The following ATF7IP2 variants were observed in gnomAD, a reference collection of about 807,000 sequenced individuals.
ATF7IP2 encodes activating transcription factor 7 interacting protein 2, also known as activating transcription factor 7-interacting protein 2.
Under a neutral mutation model 64.2 loss-of-function variants are expected in ATF7IP2, and 42 were observed. That is an observed-to-expected ratio of 0.65 (90% CI 0.51 to 0.85). ATF7IP2 has a LOEUF of 0.85. Ranked by LOEUF, ATF7IP2 falls within the 40% of genes least tolerant of loss-of-function variation. ATF7IP2 has a pLI of 0.00. For synonymous variants in ATF7IP2, 308 were observed against 272.8 expected (o/e 1.13, Z -1.27); for missense variants, 933 against 784.2 (o/e 1.19, Z -2.27).
chr16:10,473,494 C>T lies in ATF7IP2; in HGVS notation c.1442C>T (p.Thr481Ile), dbSNP rs767872634. 5.7e-6 allele frequency: 9 copies of T among 1,566,182 alleles called. No individual in the cohort carries two copies. Among genetic ancestry groups the T allele is most frequent in the South Asian group, 4.5e-5 (4 of 88,296 alleles). The change falls in exon 11 of 14, where the codon ACA (threonine) becomes ATA (isoleucine). Residue 481 changes from threonine to isoleucine, a missense_variant. By Grantham distance (89) the Thr-to-Ile change is moderately conservative. Transcript: ENST00000562102. ...TTTCTTTCAGATACCAGAAAAATTA[C>T]ATCAGGAAATTCTAGCAATTCTCCC... Reference protein sequence around the residue: ...TSNPTDTRKITSGNSSNSPNA... With the variant: ...TSNPTDTRKIISGNSSNSPNA...
intron 12 of ATF7IP2, among the ~76,000 whole-genome samples, chr16:10,475,769 T>C (rs9928105): frequency 0.12 from 10,467 of 86,688 alleles, 781 homozygotes; most frequent in African/African-American, 0.28. Flanking sequence ...ACAAGACTAA[T>C]AGAGAACAAA....
intron 1 of ATF7IP2, among the ~76,000 whole-genome samples, chr16:10,394,178 G>C (rs950190189): frequency 2.6e-5 from 4 of 152,136 alleles, no homozygotes; most frequent in African/African-American, 4.8e-5. Context: ...ATGCAAATAG[G>C]CTGAAAGTAA....
intron 3 of ATF7IP2, among the ~76,000 whole-genome samples, chr16:10,422,227 C>T (rs1330605247): frequency 3.3e-5 from 5 of 152,170 alleles, no homozygotes; most frequent in African/African-American, 7.2e-5. Flanking sequence ...ATCTGTTAAC[C>T]ATTTTAAAGG....
At chr16:10,460,906 A>T (rs1454503415) in intron 9 of ATF7IP2, among the ~76,000 whole-genome samples, 1 of 152,190 alleles carries the variant, frequency 6.6e-6, no homozygotes, top group Non-Finnish European at 1.5e-5. Context: ...AAGACAGGCC[A>T]TCCGAGTTGG....
chr16:10,460,452 A>C (rs1304791085), intron 9 of ATF7IP2, among the ~76,000 whole-genome samples: 1 of 152,178 alleles, frequency 6.6e-6, no homozygotes, highest in Non-Finnish European at 1.5e-5. Context: ...ATTTGCCATC[A>C]GACGTTAGGA....
intron 4 of ATF7IP2, among the ~76,000 whole-genome samples, chr16:10,429,730 A>AT (rs1555507615): frequency 0.015 from 1,287 of 87,208 alleles, 28 homozygotes; most frequent in African/African-American, 0.039. Flanking sequence ...ATTTTATTTT[A>AT]TTTATTTTAT....
At chr16:10,480,363 C>T (rs2050178321) in intron 12 of ATF7IP2, among the ~76,000 whole-genome samples, 1 of 151,832 alleles carries the variant, frequency 6.6e-6, no homozygotes, top group Non-Finnish European at 1.5e-5. Flanking sequence ...CCCTTCCTTT[C>T]TTCTTCTCAC....
At chr16:10,388,942 G>T (rs541462967) in intron 1 of ATF7IP2, among the ~76,000 whole-genome samples, 11 of 152,152 alleles carry the variant, frequency 7.2e-5, no homozygotes, top group African/African-American at 2.7e-4. Context: ...AAGCCGGGAG[G>T]CGGAGCTTGC....
Position 10,423,894 on chromosome 16 carries a change from A to C in ATF7IP2, c.-160+4271A>C, listed in dbSNP as rs117680234. ...AGAGTACTCGGGTGTCCTCCAGCGT[A>C]GTTCCATGTTCTCCAGTCATTGTTC... On this transcript the variant is annotated intron_variant, in intron 3 of 13. Transcript: ENST00000562102. Among the ~76,000 whole-genome samples the C allele has an allele frequency of 1.5e-3, 234 of 152,292 alleles. 9 individuals are homozygous for C. In the East Asian group the frequency reaches 0.044, roughly 29 times the overall value.
intron 1 of ATF7IP2, among the ~76,000 whole-genome samples, chr16:10,406,574 A>G (rs1253770397): frequency 6.6e-6 from 1 of 152,228 alleles, no homozygotes; most frequent in East Asian, 1.9e-4. Flanking sequence ...ACATTTATGC[A>G]GACTATGAAA....
In ATF7IP2 at chr16:10,412,015, T is replaced by G. The variant is rs1198073266; in HGVS notation, c.-241-2559T>G. On this transcript the variant is annotated intron_variant, in intron 1 of 13. Coordinates refer to ENST00000562102, the MANE Select transcript of ATF7IP2 (RefSeq NM_001393719.1). The stretch of plus-strand genomic sequence containing the variant: ...TGTTTCATTTATCTTTTTTTGTTTT[T>G]TTTTTTTTTTTTTTTTTTTTTTTTA... Among the ~76,000 whole-genome samples, 15 of 143,114 alleles carry G rather than the reference T, an allele frequency of 1.0e-4. 1 individual carries two copies. The highest frequency in any genetic ancestry group is 1.7e-4 in the Non-Finnish European group (11 of 65,240). The allele number at this position is 143,114 out of a possible 152,430, so 93.9% of individuals were successfully genotyped here. A position where few individuals can be genotyped will look rare whatever the true frequency, so the allele number is the denominator to read the frequency against.
chr16:10,399,571 TTTTGATTACCATCAGC>T lies in ATF7IP2; in HGVS notation c.-242+13454_-242+13469del, dbSNP rs1251920816. Among the ~76,000 whole-genome samples the T allele has an allele frequency of 6.6e-5, 10 of 152,344 alleles. No individual in the cohort carries two copies. The East Asian group carries it at 1.9e-3, about 29-fold the overall frequency. Reference sequence around the variant, plus strand: ...TCTATTTCTATACATTACTATGCTGTTTTGATTACCATCAGCTTTGTGTTATAATATTGTTAGAAGT... The same window carrying T: ...TCTATTTCTATACATTACTATGCTGTTTTGTGTTATAATATTGTTAGAAGT... On this transcript the variant is annotated intron_variant, in intron 1 of 13. Transcript: ENST00000562102.
intron 7 of ATF7IP2, among the ~76,000 whole-genome samples, chr16:10,438,795 C>T (rs2048508771): frequency 6.6e-6 from 1 of 152,180 alleles, no homozygotes; most frequent in Non-Finnish European, 1.5e-5. Flanking sequence ...TGGCTCATGC[C>T]TGTAATCCCA....
chr16:10,468,127 A>T (rs1179265838), intron 9 of ATF7IP2, among the ~76,000 whole-genome samples: 1 of 150,546 alleles, frequency 6.6e-6, no homozygotes, highest in African/African-American at 2.5e-5. Context: ...TGATCCTCCC[A>T]CCTCCACCTC....
chr16:10,409,232 C>T (rs7186800), intron 1 of ATF7IP2, among the ~76,000 whole-genome samples: 87,240 of 151,764 alleles, frequency 0.57, 25,274 homozygotes, highest in East Asian at 0.76. Flanking sequence ...CGTGTGGTTT[C>T]GAAGGGTGGA....
chr16:10,481,839 C>T lies in ATF7IP2; in HGVS notation c.1639C>T (p.Pro547Ser), dbSNP rs2050242156. The T allele has an allele frequency of 6.3e-7, 1 of 1,576,044 alleles. No homozygotes were observed. Among genetic ancestry groups the T allele is most frequent in the Non-Finnish European group, 8.6e-7 (1 of 1,166,452 alleles). ...TPLAQNAVQV[P>S]ESFEHLPPLP... ...TTTCTTACAATTGTGTTTTTAGGTTCCTGAGTCCTTTGAGCACCTGCCACC... is the reference window on the plus strand; with the variant it reads ...TTTCTTACAATTGTGTTTTTAGGTTTCTGAGTCCTTTGAGCACCTGCCACC... The change falls in exon 14 of 14, where the codon CCT becomes TCT. Residue 547 changes from proline (P) to serine (S), a missense_variant. Transcript: ENST00000562102.
At chr16:10,424,365 C>T (rs1240162821) in intron 3 of ATF7IP2, among the ~76,000 whole-genome samples, 1 of 152,148 alleles carries the variant, frequency 6.6e-6, no homozygotes, top group Non-Finnish European at 1.5e-5. Flanking sequence ...ATAAGCAAAA[C>T]TTAACTGAAA....
At chr16:10,391,149 C>A (rs1228786064) in intron 1 of ATF7IP2, among the ~76,000 whole-genome samples, 1 of 116,328 alleles carries the variant, frequency 8.6e-6, no homozygotes, top group Non-Finnish European at 1.8e-5. Context: ...AGAGAGAGAC[C>A]CTGTCTCAAA....
At chr16:10,465,484 C>T (rs368518073) in intron 9 of ATF7IP2, among the ~76,000 whole-genome samples, 8 of 151,810 alleles carry the variant, frequency 5.3e-5, no homozygotes, top group East Asian at 1.9e-4. Context: ...CAGTGACTCA[C>T]GCCTGTAATC....
Sources: allele counts gnomAD v4.1 joint callset (sites outside exome capture counted in the v4.1 genomes callset), GRCh38; gene constraint gnomAD v4.1.1; transcripts MANE v1.5; gene names NCBI Gene and HGNC (gene_info 2026-07-23, HGNC 2026-07-21).